Variants in SGCD observed in about 807,000 individuals in gnomAD.
The protein encoded by SGCD is sarcoglycan delta.
A neutral mutation model predicts 36.6 loss-of-function variants in SGCD; 18 were observed. The observed-to-expected ratio is 0.49, with a 90% CI of 0.34 to 0.73. SGCD has a LOEUF of 0.73. Among genes scored for constraint, SGCD ranks in the 30% least tolerant of loss-of-function variants. The probability of loss-of-function intolerance (pLI) is 0.01; values close to 1 mark genes in which losing one functional copy is unlikely to be tolerated. For synonymous variants in SGCD, 133 were observed against 130.6 expected (o/e 1.02, Z -0.12); for missense variants, 387 against 346.7 (o/e 1.12, Z -0.92).
intron 7 of SGCD, among the ~76,000 whole-genome samples, chr5:156,650,986 G>A (rs1763438106): frequency 6.6e-6 from 1 of 152,048 alleles, no homozygotes; most frequent in Admixed American, 6.6e-5. Flanking sequence ...AACATCTGTT[G>A]TTTCTTGACT....
At chr5:155,984,847 G>A (rs748931718) in intron 1 of SGCD, among the ~76,000 whole-genome samples, 69 of 152,126 alleles carry the variant, frequency 4.5e-4, no homozygotes, top group Non-Finnish European at 9.1e-4. Context: ...GTCTGCTATT[G>A]CATATGCATT....
chr5:155,930,048 C>T (rs940466242), intron 1 of SGCD, among the ~76,000 whole-genome samples: 2 of 152,136 alleles, frequency 1.3e-5, no homozygotes, highest in Admixed American at 1.3e-4. Flanking sequence ...GCTTATACCA[C>T]CAATGAGGTC....
At chr5:156,169,509 C>A (rs1763293810) in intron 3 of SGCD, among the ~76,000 whole-genome samples, 2 of 152,130 alleles carry the variant, frequency 1.3e-5, no homozygotes, top group South Asian at 2.1e-4. Flanking sequence ...GACAATGAAT[C>A]AAAAATTGAG....
chr5:155,937,253 G>A (rs1354089646), intron 1 of SGCD, among the ~76,000 whole-genome samples: 1 of 152,194 alleles, frequency 6.6e-6, no homozygotes, highest in Non-Finnish European at 1.5e-5. Flanking sequence ...AGAGCATGCA[G>A]CCAAGCCATG....
intron 3 of SGCD, among the ~76,000 whole-genome samples, chr5:156,198,258 C>T (rs1764066151): frequency 6.6e-6 from 1 of 151,976 alleles, no homozygotes; most frequent in African/African-American, 2.4e-5. Flanking sequence ...TCTAGGAGTT[C>T]TTGGAGCAAG....
chr5:156,674,152 T>C (rs1753415482), intron 7 of SGCD, among the ~76,000 whole-genome samples: 1 of 152,228 alleles, frequency 6.6e-6, no homozygotes, highest in African/African-American at 2.4e-5. Context: ...TGATAGCCAT[T>C]TGTGAGACAC....
chr5:156,067,842 G>C (rs1167468970), intron 1 of SGCD, among the ~76,000 whole-genome samples: 8 of 140,468 alleles, frequency 5.7e-5, no homozygotes, highest in Non-Finnish European at 1.0e-4. Context: ...CCACTGTCTG[G>C]CACTCCCTAG....
At chr5:156,251,830 A>G (rs1765587519) in intron 3 of SGCD, among the ~76,000 whole-genome samples, 1 of 150,838 alleles carries the variant, frequency 6.6e-6, no homozygotes, top group Non-Finnish European at 1.5e-5. Context: ...ACGTTTTAAA[A>G]CTCGAAACTG....
chr5:156,489,374 G>A (rs943142250), intron 3 of SGCD, among the ~76,000 whole-genome samples: 1 of 152,002 alleles, frequency 6.6e-6, no homozygotes, highest in Non-Finnish European at 1.5e-5. Context: ...AGACATAATG[G>A]ACCCAACAGA....
In SGCD at chr5:156,084,592, T is replaced by G. The variant is rs552980370; in HGVS notation, c.-281-33286T>G. Among the ~76,000 whole-genome samples the G allele has an allele frequency of 6.6e-3, 1,003 of 152,272 alleles. 4 individuals carry two copies. Among genetic ancestry groups the G allele is most frequent in the Admixed American group, 9.0e-3 (138 of 15,302 alleles). ...AACTCATATATTCTAAGATTTTTTT[T>G]TGTGTGGATTCTTTGGGATTTTCTA... On this transcript the variant is annotated intron_variant, in intron 1 of 9. Coordinates refer to the SGCD transcript ENST00000517913.
intron 3 of SGCD, among the ~76,000 whole-genome samples, chr5:156,256,295 T>C (rs895939741): frequency 3.3e-5 from 5 of 152,240 alleles, no homozygotes; most frequent in Admixed American, 2.0e-4. Context: ...GTTAAGAATA[T>C]TTATTTCCCA....
At chr5:156,167,285 T>C (rs1763236428) in intron 3 of SGCD, among the ~76,000 whole-genome samples, 1 of 152,198 alleles carries the variant, frequency 6.6e-6, no homozygotes, top group Admixed American at 6.5e-5. Context: ...CATATTGCAG[T>C]TTCTAATTAT....
At chr5:155,972,643 G>A (rs1409554468) in intron 1 of SGCD, among the ~76,000 whole-genome samples, 1 of 152,018 alleles carries the variant, frequency 6.6e-6, no homozygotes, top group Non-Finnish European at 1.5e-5. Context: ...TAGACAGTGG[G>A]CACAATTAAA....
the SGCD span, among the ~76,000 whole-genome samples, chr5:155,737,570 C>T: frequency 3.3e-5 from 5 of 152,166 alleles, no homozygotes; most frequent in Non-Finnish European, 7.4e-5. Flanking sequence ...AAAACACTTA[C>T]CTAGTCTGAC....
At chr5:156,184,422 A>T (rs1414085407) in intron 3 of SGCD, among the ~76,000 whole-genome samples, 1 of 150,358 alleles carries the variant, frequency 6.7e-6, no homozygotes, top group Non-Finnish European at 1.5e-5. Flanking sequence ...GGATTGTTAA[A>T]TATATGCAAA....
chr5:155,743,788 A>C, the SGCD span, among the ~76,000 whole-genome samples: 1 of 152,218 alleles, frequency 6.6e-6, no homozygotes, highest in Non-Finnish European at 1.5e-5. Flanking sequence ...AGCAAGGAGC[A>C]GATGAGGAAA....
intron 3 of SGCD, among the ~76,000 whole-genome samples, chr5:156,171,198 C>T (rs540167676): frequency 6.6e-6 from 1 of 152,310 alleles, no homozygotes; most frequent in African/African-American, 2.4e-5. Context: ...AAGAACAAAT[C>T]TCAGAGCATT....
Position 156,602,618 on chromosome 5 carries a change from C to G in SGCD, c.502+7567C>G, listed in dbSNP as rs556415530. ...GCCTTTATTGTGTTGAGGTACCTAC[C>G]TTTTATACCTAATTTGATGAATTTC... On this transcript the variant is annotated intron_variant, in intron 6 of 8. Coordinates refer to ENST00000337851, the MANE Select transcript of SGCD (RefSeq NM_000337.6). 5.3e-5 allele frequency among the ~76,000 whole-genome samples: 8 copies of G among 152,128 alleles called. No individual in the cohort carries two copies. In the South Asian group the frequency reaches 6.2e-4, roughly 12 times the overall value.
chr5:155,729,331 A>T, the SGCD span, among the ~76,000 whole-genome samples: 8 of 152,172 alleles, frequency 5.3e-5, no homozygotes, highest in African/African-American at 1.7e-4. Flanking sequence ...TGGGCGCGCT[A>T]AGAGATCGTG....
Sources: gnomAD v4.1 joint callset for allele counts (sites outside exome capture counted in the v4.1 genomes callset) on GRCh38, gnomAD v4.1.1 for gene constraint, MANE v1.5 for transcripts, NCBI Gene and HGNC (gene_info 2026-07-23, HGNC 2026-07-21) for gene names.